Variants in IFI44 observed in about 807,000 individuals in gnomAD.
IFI44 encodes the protein interferon induced protein 44, also known as interferon-induced protein 44.
A neutral mutation model predicts 45.0 loss-of-function variants in IFI44; 42 were observed. The ratio of observed to expected loss-of-function variants is 0.93; its 90% confidence interval spans 0.73 to 1.21. The LOEUF is 1.21. IFI44 is among the 50% of genes most tolerant of loss of function. The pLI is 0.00. For missense variants in IFI44, 623 were observed against 525.8 expected, an observed-to-expected ratio of 1.18 and a Z score of -1.81; for synonymous variants, 221 against 188.6, an observed-to-expected ratio of 1.17 and a Z score of -1.41.
intron 5 of IFI44, among the ~76,000 whole-genome samples, chr1:78,657,113 A>T (rs1231740372): frequency 6.6e-6 from 1 of 152,030 alleles, no homozygotes; most frequent in Non-Finnish European, 1.5e-5. Context: ...ATTTCTCCTT[A>T]AACATAGCCA....
At chr1:78,663,632 C>T (rs1241195345) in intron 8 of IFI44, 133 bp from the exon 9 acceptor site, 5 of 1,404,444 alleles carry the variant, frequency 3.6e-6, no homozygotes, top group African/African-American at 1.5e-5. Flanking sequence ...TTCCCCATCC[C>T]TTCTCTTCCT....
chr1:78,657,109 C>T (rs79489342), intron 5 of IFI44, among the ~76,000 whole-genome samples: 2,363 of 151,854 alleles, frequency 0.016, 28 homozygotes, highest in Middle Eastern at 0.024. Context: ...ATATATTTCT[C>T]CTTAAACATA....
chr1:78,662,624 A>T, intron 7 of IFI44, 80 bp from the exon 8 acceptor site: 3 of 1,110,894 alleles, frequency 2.7e-6, no homozygotes, highest in Non-Finnish European at 3.9e-6. Context: ...CTACATCTTG[A>T]TATTGCTTTC....
At chr1:78,662,120 T>C (rs936469796) in intron 7 of IFI44, among the ~76,000 whole-genome samples, 1 of 152,106 alleles carries the variant, frequency 6.6e-6, no homozygotes, top group Non-Finnish European at 1.5e-5. Flanking sequence ...AACCTGGAGG[T>C]GGGAACACCA....
At chr1:78,650,821 A>C (rs1454123394) in intron 2 of IFI44, among the ~76,000 whole-genome samples, 169 bp downstream of exon 2, 1 of 152,198 alleles carries the variant, frequency 6.6e-6, no homozygotes, top group Non-Finnish European at 1.5e-5. Flanking sequence ...ATGGTCAATA[A>C]AATGTATATT....
intron 6 of IFI44, among the ~76,000 whole-genome samples, chr1:78,660,015 G>A (rs1230537462): frequency 6.6e-6 from 1 of 152,196 alleles, no homozygotes; most frequent in Admixed American, 6.5e-5. Context: ...GAAAGAGCCA[G>A]TTTATCACTG....
In IFI44 at chr1:78,650,406, GA is replaced by G. The variant is rs1296039109; in HGVS notation, c.213del (p.Gly72GlufsTer21). ...IGAYAEESYQ[E>X]GKYASIILFA... ...AGCATATGCAGAAGAGAGTTACCAGGAAGGAAAGTATGCTTCCATCATCCTT... is the reference window on the plus strand; with the variant it reads ...AGCATATGCAGAAGAGAGTTACCAGGAGGAAAGTATGCTTCCATCATCCTT... On this transcript the variant is annotated frameshift_variant, in exon 2 of 9. Transcript: ENST00000370747. LOFTEE classifies it high-confidence loss of function. 1.2e-6 allele frequency: 2 copies of G among 1,613,838 alleles called. No individual in the cohort carries two copies. The highest frequency in any genetic ancestry group is 1.7e-6 in the Non-Finnish European group (2 of 1,179,888).
intron 7 of IFI44, 68 bp downstream of exon 7, chr1:78,660,722 A>G (rs1333010126): frequency 2.9e-6 from 3 of 1,017,264 alleles, no homozygotes; most frequent in Middle Eastern, 2.0e-4. Context: ...ACTAGTGTGT[A>G]TAAAAATAAA....
intron 8 of IFI44, 190 bp downstream of exon 8, chr1:78,663,068 A>G: frequency 2.0e-6 from 2 of 985,214 alleles, no homozygotes; most frequent in Non-Finnish European, 2.4e-6. Flanking sequence ...TGGAGTTCAT[A>G]CTAGAGAATC....
intron 2 of IFI44, 48 bp from the exon 3 acceptor site, chr1:78,654,195 A>G (rs1647168430): frequency 3.9e-6 from 4 of 1,014,132 alleles, no homozygotes; most frequent in Non-Finnish European, 6.3e-6. Context: ...CATTCAGCCA[A>G]TTATTCGACA....
chr1:78,663,580 C>A, intron 8 of IFI44, 185 bp from the exon 9 acceptor site: 1 of 985,350 alleles, frequency 1.0e-6, no homozygotes, highest in Non-Finnish European at 1.2e-6. Flanking sequence ...CTGGGAAACT[C>A]TCATGTTACT....
chr1:78,651,546 G>A (rs901668177), intron 2 of IFI44, among the ~76,000 whole-genome samples: 9 of 152,272 alleles, frequency 5.9e-5, no homozygotes, highest in African/African-American at 1.9e-4. Flanking sequence ...ATCCGAACTG[G>A]CCACAAAGAG....
intron 2 of IFI44, 137 bp downstream of exon 2, chr1:78,650,789 G>C: frequency 1.7e-6 from 1 of 595,098 alleles, no homozygotes; most frequent in East Asian, 2.8e-5. Context: ...CCTGGATACA[G>C]ATTGTTTGCT....
chr1:78,650,093 G>T, intron 1 of IFI44, 93 bp from the exon 2 acceptor site: 1 of 742,922 alleles, frequency 1.3e-6, no homozygotes, highest in Non-Finnish European at 2.1e-6. Flanking sequence ...TTTGTATTAT[G>T]TAGAGTATAT....
At chr1:78,663,521 A>T in intron 8 of IFI44, 1 of 985,102 alleles carries the variant, frequency 1.0e-6, no homozygotes, top group South Asian at 4.7e-5. Flanking sequence ...GTGCTTGGGA[A>T]ATCAATTCAG....
rs116344357 is a variant in IFI44, at chr1:78,655,156, C to T, written c.637C>T (p.His213Tyr). Reference protein sequence around the residue: ...FNSVRSVFQGHVTHQALVGTN... With the variant: ...FNSVRSVFQGYVTHQALVGTN... ...CTCAGTGAGGTCTGTTTTCCAAGGG[C>T]ATGTAACGCATCAGGCTTTGGTGGG... Residue 213 changes from histidine (H) to tyrosine (Y), a missense_variant, in exon 4 of 9, where the codon CAT (histidine) becomes TAT (tyrosine). Physicochemically the swap from His to Tyr is moderately conservative, Grantham distance 83 (BLOSUM62 2). Coordinates refer to ENST00000370747, the MANE Select transcript of IFI44 (RefSeq NM_006417.5). The T allele has an allele frequency of 6.9e-5, 112 of 1,613,892 alleles. No individual in the cohort carries two copies. The East Asian group carries it at 2.2e-3, about 32-fold the overall frequency.
chr1:78,659,518 A>G lies in IFI44; in HGVS notation c.1012+35A>G, dbSNP rs763996762. ...ATTCCACTTTGCTAAGGGTAATACC[A>G]CTAAGGGTAATTGACTAGACTGTAT... On this transcript the variant is annotated intron_variant, in intron 6 of 8. Transcript: ENST00000370747. 3.9e-6 allele frequency: 6 copies of G among 1,535,652 alleles called. No individual in the cohort carries two copies. In the African/African-American group the frequency reaches 5.5e-5, roughly 14 times the overall value.
At position 78,662,810 on chromosome 1, in the gene IFI44, T is replaced by A. The variant is rs780481441; in HGVS notation, c.1220T>A (p.Leu407His). The A allele has an allele frequency of 1.1e-5, 18 of 1,614,006 alleles. No individual in the cohort carries two copies. Among genetic ancestry groups the A allele is most frequent in the Non-Finnish European group, 1.4e-5 (17 of 1,179,928 alleles). Residue 407 changes from leucine (L) to histidine (H), a missense_variant, in exon 8 of 9, where the codon CTT becomes CAT. Physicochemically the swap from Leu to His is moderately conservative, Grantham distance 99. Transcript: ENST00000370747. The stretch of plus-strand genomic sequence containing the variant: ...GACCCTGTAAAGGATGTTCTAATTC[T>A]TTCTGCTCTGAGACGAATGCTATGG... ...ELDPVKDVLILSALRRMLWAA... is the reference protein window; with the variant it reads ...ELDPVKDVLIHSALRRMLWAA...
chr1:78,660,277 A>G (rs1570402025), intron 6 of IFI44, among the ~76,000 whole-genome samples: 1 of 152,160 alleles, frequency 6.6e-6, no homozygotes, highest in East Asian at 1.9e-4. Flanking sequence ...GTAATATTGC[A>G]GCATAAATTT....
Sources: allele counts gnomAD v4.1 joint callset (sites outside exome capture counted in the v4.1 genomes callset), GRCh38; gene constraint gnomAD v4.1.1; transcripts MANE v1.5; gene names NCBI Gene and HGNC (gene_info 2026-07-23, HGNC 2026-07-21).